L3MBTL4: variants seen among roughly 807,000 people sequenced by gnomAD.
The protein encoded by L3MBTL4 is L3MBTL histone methyl-lysine binding protein 4.
In L3MBTL4, 70 loss-of-function variants were observed where a neutral mutation model predicts 84.5. That is an observed-to-expected ratio of 0.83 (90% CI 0.68 to 1.01). L3MBTL4 has a LOEUF of 1.01. Ranked by LOEUF, L3MBTL4 falls within the 50% of genes least tolerant of loss-of-function variation. L3MBTL4 has a pLI of 0.00. For missense variants in L3MBTL4, 715 were observed against 754.8 expected (o/e 0.95, Z 0.62); for synonymous variants, 274 against 259.8 (o/e 1.05, Z -0.52).
chr18:6,166,985 CAA>C (rs1395205210), intron 13 of L3MBTL4, among the ~76,000 whole-genome samples: 1 of 151,774 alleles, frequency 6.6e-6, no homozygotes, highest in Non-Finnish European at 1.5e-5. Flanking sequence ...TAAAAAATGA[CAA>C]AGGGGATATC....
In L3MBTL4 at chr18:6,026,913, GT is replaced by G. The variant is rs917686611; in HGVS notation, c.1444+53967del. Among the ~76,000 whole-genome samples, 103 of 151,982 alleles carry G rather than the reference GT, an allele frequency of 6.8e-4. 1 individual carries two copies. The highest frequency in any genetic ancestry group is 2.4e-3 in the African/African-American group (101 of 41,468). ...AATTTATTGCCTTAATTTTCCTCATGTTATGTTAAATTTAACAACAATAAAA... is the reference window on the plus strand; with the variant it reads ...AATTTATTGCCTTAATTTTCCTCATGTATGTTAAATTTAACAACAATAAAA... On this transcript the variant is annotated intron_variant, in intron 16 of 18. Coordinates refer to ENST00000317931, the MANE Select transcript of L3MBTL4 (RefSeq NM_001330559.2).
At chr18:6,080,529 A>G (rs1254417326) in intron 16 of L3MBTL4, among the ~76,000 whole-genome samples, 1 of 152,184 alleles carries the variant, frequency 6.6e-6, no homozygotes, top group Admixed American at 6.5e-5. Context: ...CACCTTCACA[A>G]GTTCAGTGAG....
intron 16 of L3MBTL4, among the ~76,000 whole-genome samples, chr18:5,984,896 A>G (rs567464911): frequency 6.6e-6 from 1 of 152,072 alleles, no homozygotes; most frequent in East Asian, 1.9e-4. Flanking sequence ...TCATTGGTCA[A>G]TTCTTGGTAA....
chr18:6,157,503 T>C (rs1358085178), intron 13 of L3MBTL4, among the ~76,000 whole-genome samples: 7 of 152,232 alleles, frequency 4.6e-5, no homozygotes, highest in Non-Finnish European at 5.9e-5. Flanking sequence ...TTGCTTAGTG[T>C]AGATTAAGAA....
intron 1 of L3MBTL4, among the ~76,000 whole-genome samples, chr18:6,400,513 G>A (rs1327215897): frequency 6.6e-6 from 1 of 152,120 alleles, no homozygotes; most frequent in Non-Finnish European, 1.5e-5. Flanking sequence ...GGGCTCAGAT[G>A]ATCCTCCCAC....
chr18:6,217,363 C>T (rs115305530), intron 10 of L3MBTL4, among the ~76,000 whole-genome samples: 1,660 of 152,206 alleles, frequency 0.011, 31 homozygotes, highest in African/African-American at 0.037. Context: ...TTTCCCTTTA[C>T]GTAAATGCAA....
At chr18:6,248,616 T>G (rs2047788320) in intron 5 of L3MBTL4, among the ~76,000 whole-genome samples, 1 of 152,246 alleles carries the variant, frequency 6.6e-6, no homozygotes, top group Admixed American at 6.5e-5. Context: ...TTCCGAAGCT[T>G]CTTTTTGTAA....
In L3MBTL4 at chr18:5,956,382, G is replaced by A. The variant is rs61733889; in HGVS notation, c.1683C>T (p.Ile561=). The change falls in exon 19 of 19, where the codon ATC becomes ATT. Residue 561 remains isoleucine, a synonymous_variant. Transcript: ENST00000317931. ...TCAGAAGCAGGAAGGCTTTGCCATC[G>A]ATCTGCTGCAAATACATAAATAGAC... ...EHAKCFKKEQ[I]DGKAFLLLTQ... is the part of the protein sequence containing the mutation. 0.028 allele frequency: 45,095 copies of A among 1,613,402 alleles called. 699 individuals carry two copies. Among genetic ancestry groups the A allele is most frequent in the Middle Eastern group, 0.044 (264 of 6,058 alleles).
intron 14 of L3MBTL4, among the ~76,000 whole-genome samples, chr18:6,113,065 T>A (rs532346791): frequency 1.0e-3 from 157 of 152,324 alleles, no homozygotes; most frequent in Non-Finnish European, 2.0e-3. Flanking sequence ...AGAGCCCATA[T>A]CATCTGTCTT....
At chr18:5,992,320 G>A (rs1344128279) in intron 16 of L3MBTL4, among the ~76,000 whole-genome samples, 1 of 152,098 alleles carries the variant, frequency 6.6e-6, no homozygotes, top group South Asian at 2.1e-4. Flanking sequence ...TGGTTATGGG[G>A]GCCTGGGCCA....
intron 16 of L3MBTL4, among the ~76,000 whole-genome samples, chr18:5,984,148 G>A (rs1247786323): frequency 1.3e-5 from 2 of 152,150 alleles, no homozygotes; most frequent in East Asian, 3.9e-4. Flanking sequence ...CTGACCTCAG[G>A]TGATCTGCCT....
chr18:6,166,890 T>C (rs1204810606), intron 13 of L3MBTL4, among the ~76,000 whole-genome samples: 7 of 152,080 alleles, frequency 4.6e-5, no homozygotes, highest in Non-Finnish European at 8.8e-5. Context: ...ATCCAGGAGC[T>C]GGATTTTTGA....
intron 14 of L3MBTL4, among the ~76,000 whole-genome samples, chr18:6,125,635 G>A (rs2059669901): frequency 6.6e-6 from 1 of 152,124 alleles, no homozygotes; most frequent in Non-Finnish European, 1.5e-5. Context: ...TTACTATGTT[G>A]TCCAGGCTGG....
intron 14 of L3MBTL4, among the ~76,000 whole-genome samples, chr18:6,109,478 C>T (rs1416419220): frequency 6.6e-6 from 1 of 152,128 alleles, no homozygotes; most frequent in Non-Finnish European, 1.5e-5. Context: ...CCAGGACGTC[C>T]CTGCCCCTTT....
chr18:6,004,996 AATTT>A lies in L3MBTL4; in HGVS notation c.1445-35438_1445-35435del, dbSNP rs1452039684. On this transcript the variant is annotated intron_variant, in intron 16 of 18. Transcript: ENST00000317931. ...TACACATAAAAATGGTTAAGATGATAATTTTTTTTTTTTTTTTTTTTTTTTTTTT... is the reference window on the plus strand; with the variant it reads ...TACACATAAAAATGGTTAAGATGATATTTTTTTTTTTTTTTTTTTTTTTTT... Among the ~76,000 whole-genome samples, 86 of 42,006 alleles carry A rather than the reference AATTT, an allele frequency of 2.0e-3. 2 individuals carry two copies. The highest frequency in any genetic ancestry group is 4.4e-3 in the Admixed American group (15 of 3,408). 27.6% of individuals were successfully genotyped at this position (42,006 alleles called of 152,430 possible).
intron 12 of L3MBTL4, among the ~76,000 whole-genome samples, chr18:6,196,924 T>C (rs2045425330): frequency 6.6e-6 from 1 of 152,190 alleles, no homozygotes; most frequent in Non-Finnish European, 1.5e-5. Flanking sequence ...TTCTCTCACT[T>C]GCAACAGAAG....
chr18:6,125,027 A>G (rs943355803), intron 14 of L3MBTL4, among the ~76,000 whole-genome samples: 5 of 152,216 alleles, frequency 3.3e-5, no homozygotes, highest in Non-Finnish European at 5.9e-5. Context: ...ATATTCTCTA[A>G]TGACTTTGAT....
In L3MBTL4 at chr18:6,108,209, A is replaced by G. The variant is rs890430556; in HGVS notation, c.1200-14681T>C. Among the ~76,000 whole-genome samples the G allele has an allele frequency of 8.5e-5, 13 of 152,302 alleles. No individual in the cohort carries two copies. In the East Asian group the frequency reaches 1.9e-3, roughly 23 times the overall value. On this transcript the variant is annotated intron_variant, in intron 14 of 18. Coordinates refer to ENST00000317931, the MANE Select transcript of L3MBTL4 (RefSeq NM_001330559.2). ...GACAGCCATAAATGGTCGAGCACATATGCCTTAGTCTAAAGATACTTTCAG... is the reference window on the plus strand; with the variant it reads ...GACAGCCATAAATGGTCGAGCACATGTGCCTTAGTCTAAAGATACTTTCAG...
At chr18:6,036,478 A>G (rs909154253) in intron 16 of L3MBTL4, among the ~76,000 whole-genome samples, 8 of 151,314 alleles carry the variant, frequency 5.3e-5, no homozygotes, top group Non-Finnish European at 7.4e-5. Context: ...TAGGTTTTCT[A>G]TTTCTCTATT....
Sources: gnomAD v4.1 joint callset for allele counts (sites outside exome capture counted in the v4.1 genomes callset) on GRCh38, gnomAD v4.1.1 for gene constraint, MANE v1.5 for transcripts, NCBI Gene and HGNC (gene_info 2026-07-23, HGNC 2026-07-21) for gene names.